MTOR: variants seen among roughly 807,000 people sequenced by gnomAD.
MTOR encodes the protein mechanistic target of rapamycin kinase.
Under a neutral mutation model 319.8 loss-of-function variants are expected in MTOR, and 70 were observed. The ratio of observed to expected loss-of-function variants is 0.22; its 90% confidence interval spans 0.18 to 0.27. The LOEUF (loss-of-function observed/expected upper bound fraction) is 0.27. MTOR is among the 10% of genes least tolerant of loss of function. The pLI is 1.00. For synonymous variants in MTOR, 1,183 were observed against 1,211.4 expected, an observed-to-expected ratio of 0.98 and a Z score of 0.49; for missense variants, 1,890 against 3,274.4, an observed-to-expected ratio of 0.58 and a Z score of 10.32.
chr1:11,258,652 A>T, intron 2 of MTOR, 59 bp from the exon 3 acceptor site: 1 of 1,329,072 alleles, frequency 7.5e-7, no homozygotes, highest in Non-Finnish European at 1.1e-6. Context: ...TGGTGGTGGG[A>T]GTGGGCTGGC....
At chr1:11,249,883 T>G (rs1177760349) in intron 6 of MTOR, among the ~76,000 whole-genome samples, 1 of 151,486 alleles carries the variant, frequency 6.6e-6, no homozygotes, top group Admixed American at 6.6e-5. Flanking sequence ...CCCCTTTCTA[T>G]TCCACAAAAC....
chr1:11,130,504 T>G (rs1286415757), intron 39 of MTOR, 25 bp downstream of exon 39: 8 of 1,602,426 alleles, frequency 5.0e-6, no homozygotes, highest in African/African-American at 1.3e-5. Flanking sequence ...TGGTTGGTTG[T>G]TAATAAGGAA....
intron 20 of MTOR, among the ~76,000 whole-genome samples, chr1:11,213,885 C>T (rs1413738733): frequency 1.3e-5 from 2 of 152,238 alleles, no homozygotes; most frequent in African/African-American, 4.8e-5. Flanking sequence ...TCTAGCCTCA[C>T]TTCTCCCATG....
intron 28 of MTOR, among the ~76,000 whole-genome samples, chr1:11,196,557 CA>C (rs1365371273): frequency 2.0e-5 from 3 of 151,984 alleles, no homozygotes; most frequent in African/African-American, 7.2e-5. Context: ...AAAGCAAAGA[CA>C]AAAAAATAAG....
Position 11,139,343 on chromosome 1 carries a change from G to C in MTOR, c.5091C>G (p.Thr1697=). 6.2e-7 allele frequency: 1 copy of C among 1,612,422 alleles called. No individual in the cohort carries two copies. The highest frequency in any genetic ancestry group is 8.5e-7 in the Non-Finnish European group (1 of 1,179,614). Reference sequence around the variant, plus strand: ...TCCACATGTTTTTCATGTAGGCATAGGTCACCTGAGGGTGAACTGTTGGCA... The same window carrying C: ...TCCACATGTTTTTCATGTAGGCATACGTCACCTGAGGGTGAACTGTTGGCA... ...HPLPTVHPQV[T]YAYMKNMWKS... is the part of the protein sequence containing the mutation. Residue 1697 remains threonine (T), a synonymous_variant, in exon 36 of 58, where the codon ACC becomes ACG. Transcript: ENST00000361445.
At position 11,199,809 on chromosome 1, in the gene MTOR, CA is replaced by C. The variant is rs1253170735; in HGVS notation, c.3945-107del. 8.6e-7 allele frequency: 1 copy of C among 1,164,944 alleles called. No homozygotes were observed. The highest frequency in any genetic ancestry group is 2.5e-5 in the East Asian group (1 of 40,144). 72.2% of individuals were successfully genotyped at this position (1,164,944 alleles called of 1,614,324 possible). On this transcript the variant is annotated intron_variant, in intron 26 of 57. Coordinates refer to ENST00000361445, the MANE Select transcript of MTOR (RefSeq NM_004958.4). This position sits in a 1 kb window ranked among gnomAD's most constrained non-coding sequence, Gnocchi z 4.5. The stretch of plus-strand genomic sequence containing the variant: ...TTTGGCATCACTGATTTTGGTTATA[CA>C]AACCAGTGCTATACAGACCAGTGCT...
chr1:11,163,785 G>A (rs1364816368), intron 29 of MTOR, among the ~76,000 whole-genome samples: 1 of 152,090 alleles, frequency 6.6e-6, no homozygotes. Flanking sequence ...TTTAAAGCAG[G>A]GTGTGGAGGG....
chr1:11,215,737 T>G (rs1646447786), intron 20 of MTOR, among the ~76,000 whole-genome samples: 1 of 152,194 alleles, frequency 6.6e-6, no homozygotes, highest in Non-Finnish European at 1.5e-5. Flanking sequence ...CCTTGTTCCT[T>G]GGTGCCCAAC....
chr1:11,114,730 A>G (rs564888958), intron 52 of MTOR, 83 bp downstream of exon 52: 1 of 1,365,908 alleles, frequency 7.3e-7, no homozygotes, highest in South Asian at 1.2e-5. Flanking sequence ...TGGAGAACTG[A>G]TGGGCTCTAA....
At chr1:11,198,097 T>C (rs1645846233) in intron 28 of MTOR, among the ~76,000 whole-genome samples, 1 of 152,096 alleles carries the variant, frequency 6.6e-6, no homozygotes, top group Non-Finnish European at 1.5e-5. Context: ...ATATGCAAAA[T>C]GAGTTATCTG....
chr1:11,209,225 G>C, intron 25 of MTOR, 87 bp downstream of exon 25: 1 of 1,523,642 alleles, frequency 6.6e-7, no homozygotes, highest in South Asian at 1.2e-5. Flanking sequence ...GCTGGTTTTC[G>C]GTTGCCCAGT....
chr1:11,194,965 C>T, intron 28 of MTOR: 1 of 1,614,092 alleles, frequency 6.2e-7, no homozygotes, highest in Non-Finnish European at 8.5e-7. Flanking sequence ...TGGCATGGAT[C>T]TACCTACTCC....
intron 2 of MTOR, 49 bp from the exon 3 acceptor site, chr1:11,258,642 T>A: frequency 6.9e-7 from 1 of 1,438,990 alleles, no homozygotes; most frequent in South Asian, 1.2e-5. Flanking sequence ...TCTCTAACTG[T>A]GGTGGTGGGA....
chr1:11,199,473 G>C lies in MTOR; in HGVS notation c.4107+68C>G, dbSNP rs1645892636. 1.9e-6 allele frequency: 3 copies of C among 1,613,406 alleles called. No individual in the cohort carries two copies. The highest frequency in any genetic ancestry group is 2.5e-6 in the Non-Finnish European group (3 of 1,179,370). On this transcript the variant is annotated intron_variant, in intron 27 of 57. Transcript: ENST00000361445. This position sits in a 1 kb window ranked among gnomAD's most constrained non-coding sequence, Gnocchi z 4.5. The stretch of plus-strand genomic sequence containing the variant: ...GGCACAAACAAGAGAAGGCTGTGTG[G>C]ATGCTTCTCTCCTCCCACCAGCTGG...
chr1:11,194,540 TG>T (rs1171639963), intron 28 of MTOR: 4 of 1,613,974 alleles, frequency 2.5e-6, no homozygotes, highest in Non-Finnish European at 3.4e-6. Context: ...CGCCTCTTCC[TG>T]GGGAACTACA....
At chr1:11,178,195 T>C (rs1165014277) in intron 28 of MTOR, among the ~76,000 whole-genome samples, 1 of 152,216 alleles carries the variant, frequency 6.6e-6, no homozygotes, top group Non-Finnish European at 1.5e-5. Flanking sequence ...AAGTCAGCTC[T>C]GGGAATCCTA....
intron 28 of MTOR, among the ~76,000 whole-genome samples, chr1:11,193,959 C>T (rs1271826089): frequency 6.6e-6 from 1 of 152,154 alleles, no homozygotes; most frequent in African/African-American, 2.4e-5. Flanking sequence ...ACCCCCCCAA[C>T]CCCCCGACAA....
At chr1:11,221,106 T>G (rs538157203) in intron 19 of MTOR, among the ~76,000 whole-genome samples, 3 of 152,108 alleles carry the variant, frequency 2.0e-5, no homozygotes, top group Non-Finnish European at 4.4e-5. Context: ...GAAATTCTCC[T>G]GCCTCAGTCT....
intron 11 of MTOR, among the ~76,000 whole-genome samples, chr1:11,239,761 C>T (rs1216716620): frequency 6.6e-6 from 1 of 151,874 alleles, no homozygotes; most frequent in Admixed American, 6.6e-5. Flanking sequence ...AAAAATTAGC[C>T]GGGTGTGGTG....
Sources: gnomAD v4.1 joint callset for allele counts (sites outside exome capture counted in the v4.1 genomes callset) on GRCh38, gnomAD v4.1.1 for gene constraint, Gnocchi (gnomAD v3.1) non-coding constraint, MANE v1.5 for transcripts, NCBI Gene and HGNC (gene_info 2026-07-23, HGNC 2026-07-21) for gene names.